Variants in SLC4A4 observed in about 807,000 individuals in gnomAD.
SLC4A4 encodes the protein solute carrier family 4 member 4.
A neutral mutation model predicts 111.5 loss-of-function variants in SLC4A4; 27 were observed. That is an observed-to-expected ratio of 0.24 (90% confidence interval 0.18 to 0.33). SLC4A4 has a LOEUF of 0.33. Among genes scored for constraint, SLC4A4 ranks in the 10% least tolerant of loss-of-function variants. The pLI, the probability that SLC4A4 is intolerant of heterozygous loss-of-function variation, is 1.00. For missense variants in SLC4A4, 909 were observed against 1,315.5 expected, an observed-to-expected ratio of 0.69 and a Z score of 4.78; for synonymous variants, 443 against 463.4, an observed-to-expected ratio of 0.96 and a Z score of 0.57.
chr4:71,125,267 C>G (rs1182429394), intron 2 of SLC4A4, among the ~76,000 whole-genome samples: 1 of 152,162 alleles, frequency 6.6e-6, no homozygotes, highest in Non-Finnish European at 1.5e-5. Flanking sequence ...GGTGTGAAAA[C>G]TTTGTAAACC....
At chr4:71,138,522 G>T (rs4694381) in intron 2 of SLC4A4, among the ~76,000 whole-genome samples, 1 of 151,972 alleles carries the variant, frequency 6.6e-6, no homozygotes, top group East Asian at 1.9e-4. Flanking sequence ...CATCTCACTC[G>T]GTTCATATTA....
intron 3 of SLC4A4, among the ~76,000 whole-genome samples, chr4:71,301,429 A>G (rs1256961215): frequency 6.6e-6 from 1 of 152,134 alleles, no homozygotes; most frequent in Non-Finnish European, 1.5e-5. Flanking sequence ...AGGAGAGGGA[A>G]GAAGGAATCT....
chr4:71,281,149 C>T (rs1326044040), intron 3 of SLC4A4, among the ~76,000 whole-genome samples: 1 of 152,176 alleles, frequency 6.6e-6, no homozygotes, highest in African/African-American at 2.4e-5. Context: ...CGTTTGCATG[C>T]TGTGTACTTA....
At chr4:71,349,637 A>G (rs910309783) in intron 4 of SLC4A4, among the ~76,000 whole-genome samples, 4 of 152,136 alleles carry the variant, frequency 2.6e-5, no homozygotes, top group East Asian at 3.9e-4. Flanking sequence ...TAAGGATCTC[A>G]TGGTTACATA....
At chr4:71,084,143 A>G (rs369345190) in intron 1 of SLC4A4, among the ~76,000 whole-genome samples, 16 of 152,090 alleles carry the variant, frequency 1.1e-4, no homozygotes, top group South Asian at 1.0e-3. Flanking sequence ...GGCAAGATGG[A>G]CTTTTTGATG....
At chr4:71,560,952 C>T (rs915057534) in intron 23 of SLC4A4, among the ~76,000 whole-genome samples, 6 of 151,724 alleles carry the variant, frequency 4.0e-5, no homozygotes, top group African/African-American at 4.8e-5. Context: ...AATACAGATT[C>T]TCCAGCAGGG....
Position 71,570,704 on chromosome 4 carries a change from A to G in SLC4A4, c.*2953A>G, listed in dbSNP as rs972365016. ...CTGTGGTTGCAGAAACACTGTTGGAAGAAAAGAGATGACTAAGTCAAGTGT... is the reference window on the plus strand; with the variant it reads ...CTGTGGTTGCAGAAACACTGTTGGAGGAAAAGAGATGACTAAGTCAAGTGT... On this transcript the variant is annotated 3_prime_UTR_variant, in exon 26 of 26. Transcript: ENST00000264485. The G allele has an allele frequency of 1.3e-5, 2 of 152,242 alleles. No homozygotes were observed. The highest frequency in any genetic ancestry group is 2.9e-5 in the Non-Finnish European group (2 of 67,866). The allele number at this position is 152,242 out of a possible 1,614,324, so 9.4% of individuals were successfully genotyped here.
chr4:71,129,494 G>A (rs1245403290), intron 2 of SLC4A4, among the ~76,000 whole-genome samples: 5 of 152,238 alleles, frequency 3.3e-5, no homozygotes, highest in Middle Eastern at 3.4e-3. Context: ...CAGAGAAAAG[G>A]GAATACTTAT....
At chr4:71,322,652 C>A (rs931731302) in intron 3 of SLC4A4, among the ~76,000 whole-genome samples, 10 of 151,880 alleles carry the variant, frequency 6.6e-5, no homozygotes, top group South Asian at 2.1e-4. Context: ...CAGAGTGATT[C>A]ATCATGTAAA....
chr4:71,506,682 T>C (rs2149167125), intron 16 of SLC4A4, among the ~76,000 whole-genome samples: 1 of 152,242 alleles, frequency 6.6e-6, no homozygotes, highest in South Asian at 2.1e-4. Flanking sequence ...CAGGATATCA[T>C]CCAGGAGAAC....
At chr4:71,141,696 G>T (rs1744001952) in intron 2 of SLC4A4, among the ~76,000 whole-genome samples, 1 of 152,182 alleles carries the variant, frequency 6.6e-6, no homozygotes, top group Non-Finnish European at 1.5e-5. Context: ...AAATTGTCAA[G>T]AACCTTGTTT....
At chr4:71,088,142 C>A (rs987704109) in intron 1 of SLC4A4, among the ~76,000 whole-genome samples, 4 of 152,030 alleles carry the variant, frequency 2.6e-5, no homozygotes, top group African/African-American at 9.7e-5. Flanking sequence ...TTGAATTGAT[C>A]CCTTTACCAT....
At chr4:71,254,769 A>C (rs943944393) in intron 2 of SLC4A4, among the ~76,000 whole-genome samples, 2 of 152,090 alleles carry the variant, frequency 1.3e-5, no homozygotes, top group Non-Finnish European at 2.9e-5. Context: ...CACTAACCCT[A>C]CCCAGTATAA....
At chr4:71,536,102 T>C (rs1031334043) in intron 18 of SLC4A4, among the ~76,000 whole-genome samples, 4 of 152,032 alleles carry the variant, frequency 2.6e-5, no homozygotes, top group Non-Finnish European at 5.9e-5. Context: ...ATTCTGGTAA[T>C]GTTGGGTTAT....
intron 9 of SLC4A4, among the ~76,000 whole-genome samples, chr4:71,450,113 T>C (rs916100822): frequency 1.3e-5 from 2 of 152,174 alleles, no homozygotes; most frequent in Non-Finnish European, 2.9e-5. Flanking sequence ...TACATACCAG[T>C]GGGAGCTGAA....
chr4:71,273,998 G>A (rs1029079508), intron 3 of SLC4A4, among the ~76,000 whole-genome samples: 2 of 152,174 alleles, frequency 1.3e-5, no homozygotes, highest in Admixed American at 1.3e-4. Context: ...CAACATGGGA[G>A]TTAGGGGCAC....
chr4:71,279,798 A>T (rs913066480), intron 3 of SLC4A4, among the ~76,000 whole-genome samples: 12 of 150,710 alleles, frequency 8.0e-5, no homozygotes, highest in Middle Eastern at 3.4e-3. Flanking sequence ...ATTTTTTTTT[A>T]TTTATTTATT....
chr4:71,443,106 CTCTCTCTCTCTATATATA>C (rs1439221078), intron 8 of SLC4A4, among the ~76,000 whole-genome samples: 1 of 101,006 alleles, frequency 9.9e-6, no homozygotes, highest in East Asian at 3.6e-4. Flanking sequence ...CTCTCTCTCT[CTCTCTCTCTCTATATATA>C]TATATATATA....
At chr4:71,385,351 A>G (rs77830429) in intron 6 of SLC4A4, among the ~76,000 whole-genome samples, 3,199 of 151,244 alleles carry the variant, frequency 0.021, 117 homozygotes, top group East Asian at 0.14. Flanking sequence ...GGCATGCACC[A>G]TCCGACCCGG....
Sources: allele counts gnomAD v4.1 joint callset (sites outside exome capture counted in the v4.1 genomes callset), GRCh38; gene constraint gnomAD v4.1.1; transcripts MANE v1.5; gene names NCBI Gene and HGNC (gene_info 2026-07-23, HGNC 2026-07-21).